The following CFAP299 variants were observed in gnomAD, a reference collection of about 807,000 sequenced individuals.
The protein encoded by CFAP299 is cilia and flagella associated protein 299, also known as cilia- and flagella-associated protein 299.
Under a neutral mutation model 27.0 loss-of-function variants are expected in CFAP299, and 21 were observed. The ratio of observed to expected loss-of-function variants is 0.78; its 90% confidence interval spans 0.55 to 1.12. CFAP299 has a LOEUF of 1.12. Ranked by LOEUF, CFAP299 falls within the 50% of genes most tolerant of loss-of-function variation. CFAP299 has a pLI of 0.00. For missense variants in CFAP299, 310 were observed against 276.6 expected, an observed-to-expected ratio of 1.12 and a Z score of -0.86; for synonymous variants, 104 against 98.1, an observed-to-expected ratio of 1.06 and a Z score of -0.36.
intron 3 of CFAP299, among the ~76,000 whole-genome samples, chr4:80,650,881 C>T (rs1343410127): frequency 1.3e-5 from 2 of 151,756 alleles, no homozygotes; most frequent in Non-Finnish European, 2.9e-5. Context: ...GAAGGGGGTG[C>T]GGGATATAAG....
intron 3 of CFAP299, among the ~76,000 whole-genome samples, chr4:80,743,158 G>A (rs544338157): frequency 6.6e-6 from 1 of 152,148 alleles, no homozygotes; most frequent in Admixed American, 6.5e-5. Context: ...CACTTTGGGA[G>A]GCCAAGGTGG....
the CFAP299 span, among the ~76,000 whole-genome samples, chr4:80,325,358 T>G: frequency 6.6e-6 from 1 of 152,252 alleles, no homozygotes; most frequent in South Asian, 2.1e-4. Context: ...GTGATAATAG[T>G]ATCTATTTAT....
intron 2 of CFAP299, chr4:80,387,945 G>T: frequency 1.2e-6 from 1 of 807,736 alleles, no homozygotes; most frequent in South Asian, 1.5e-5. Flanking sequence ...TCCTTTGGGT[G>T]TTTGCCAGGG....
At chr4:80,757,898 T>C (rs1488005343) in intron 3 of CFAP299, among the ~76,000 whole-genome samples, 1 of 152,144 alleles carries the variant, frequency 6.6e-6, no homozygotes, top group Non-Finnish European at 1.5e-5. Flanking sequence ...ACCTGCTGTG[T>C]TCTACCCCTT....
intron 3 of CFAP299, among the ~76,000 whole-genome samples, chr4:80,632,760 G>A (rs936337426): frequency 9.3e-5 from 14 of 150,906 alleles, no homozygotes; most frequent in African/African-American, 3.4e-4. Flanking sequence ...ACAGAACTAA[G>A]AGAAAATGTA....
intron 2 of CFAP299, chr4:80,386,226 G>A (rs1381926077): frequency 2.9e-6 from 3 of 1,020,864 alleles, no homozygotes; most frequent in Admixed American, 2.2e-5. Context: ...TGGCACATGG[G>A]CCCTCGGCCC....
intron 2 of CFAP299, among the ~76,000 whole-genome samples, chr4:80,509,808 C>A (rs1478636298): frequency 6.6e-6 from 1 of 151,876 alleles, no homozygotes; most frequent in Non-Finnish European, 1.5e-5. Flanking sequence ...TAGAAAACAC[C>A]ATGAGTTTAT....
intron 2 of CFAP299, among the ~76,000 whole-genome samples, chr4:80,458,135 A>G (rs2110103416): frequency 6.6e-6 from 1 of 152,324 alleles, no homozygotes; most frequent in South Asian, 2.1e-4. Flanking sequence ...TCAGGGAAAA[A>G]TGGAAAAACA....
intron 3 of CFAP299, among the ~76,000 whole-genome samples, chr4:80,800,746 A>T (rs1728528307): frequency 1.7e-5 from 2 of 116,202 alleles, no homozygotes; most frequent in African/African-American, 7.1e-5. Flanking sequence ...ATATATAATC[A>T]GTGTGTGTGT....
intron 2 of CFAP299, among the ~76,000 whole-genome samples, chr4:80,543,054 G>C (rs928270096): frequency 6.6e-6 from 1 of 152,118 alleles, no homozygotes; most frequent in African/African-American, 2.4e-5. Context: ...TACAGACCTG[G>C]TCCCAGCCAC....
chr4:80,895,015 C>T (rs1233723679), intron 4 of CFAP299, among the ~76,000 whole-genome samples: 1 of 151,722 alleles, frequency 6.6e-6, no homozygotes, highest in Admixed American at 6.6e-5. Context: ...AGTTCAGGGG[C>T]AATGGAAATG....
intron 3 of CFAP299, among the ~76,000 whole-genome samples, chr4:80,748,895 CA>C (rs1423901163): frequency 5.3e-5 from 8 of 152,056 alleles, no homozygotes; most frequent in African/African-American, 1.7e-4. Flanking sequence ...ATTTTCTTGG[CA>C]AAAAGTTTGG....
intron 3 of CFAP299, among the ~76,000 whole-genome samples, chr4:80,597,988 G>T (rs977524545): frequency 6.6e-6 from 1 of 152,144 alleles, no homozygotes; most frequent in Admixed American, 6.5e-5. Context: ...TACCCGTTCT[G>T]CAATTACTAT....
chr4:80,736,820 T>C (rs181839961), intron 3 of CFAP299, among the ~76,000 whole-genome samples: 7,934 of 152,134 alleles, frequency 0.052, 296 homozygotes, highest in Middle Eastern at 0.088. Flanking sequence ...TGGGTATATA[T>C]CCAAAGGATT....
chr4:80,463,114 A>G (rs1298846310), intron 2 of CFAP299, among the ~76,000 whole-genome samples: 1 of 152,024 alleles, frequency 6.6e-6, no homozygotes, highest in Non-Finnish European at 1.5e-5. Flanking sequence ...AGAAAACTCT[A>G]AAACCTGTTT....
At chr4:80,389,689 C>A (rs535053870) in intron 2 of CFAP299, among the ~76,000 whole-genome samples, 1 of 152,076 alleles carries the variant, frequency 6.6e-6, no homozygotes, top group Non-Finnish European at 1.5e-5. Flanking sequence ...ATTGGCTAAC[C>A]GAGTTCATTA....
At chr4:80,734,856 A>C (rs1723763949) in intron 3 of CFAP299, among the ~76,000 whole-genome samples, 1 of 151,938 alleles carries the variant, frequency 6.6e-6, no homozygotes, top group South Asian at 2.1e-4. Context: ...TGCTTTTGTT[A>C]CTGTAGCACT....
chr4:80,428,832 C>T (rs1219714318), intron 2 of CFAP299, among the ~76,000 whole-genome samples: 2 of 152,082 alleles, frequency 1.3e-5, no homozygotes, highest in East Asian at 3.8e-4. Context: ...AGCCACCACA[C>T]CAGGCCAACA....
intron 2 of CFAP299, among the ~76,000 whole-genome samples, chr4:80,512,002 G>GT (rs1228805721): frequency 1.3e-5 from 2 of 152,040 alleles, no homozygotes; most frequent in Non-Finnish European, 2.9e-5. Flanking sequence ...ACTTTTATAA[G>GT]TTTTTTTAAA....
Sources: allele counts gnomAD v4.1 joint callset (sites outside exome capture counted in the v4.1 genomes callset), GRCh38; gene constraint gnomAD v4.1.1; transcripts MANE v1.5; gene names NCBI Gene and HGNC (gene_info 2026-07-23, HGNC 2026-07-21).